SLC35F3: variants seen among roughly 807,000 people sequenced by gnomAD.
The protein encoded by SLC35F3 is putative thiamine transporter SLC35F3.
In SLC35F3, 25 loss-of-function variants were observed where a neutral mutation model predicts 49.9. That is an observed-to-expected ratio of 0.50 (90% CI 0.37 to 0.70). The LOEUF is 0.70. Ranked by LOEUF, SLC35F3 falls within the 30% of genes least tolerant of loss-of-function variation. The probability of loss-of-function intolerance (pLI) is 0.00; values close to 1 mark genes in which losing one functional copy is unlikely to be tolerated. For synonymous variants in SLC35F3, 275 were observed against 265.4 expected, an observed-to-expected ratio of 1.04 and a Z score of -0.35; for missense variants, 525 against 639.8, an observed-to-expected ratio of 0.82 and a Z score of 1.94.
chr1:234,083,605 C>T (rs903138844), intron 2 of SLC35F3, among the ~76,000 whole-genome samples: 3 of 152,166 alleles, frequency 2.0e-5, no homozygotes, highest in African/African-American at 4.8e-5. Context: ...GCTTATGAAG[C>T]GGGGCTGCTG....
intron 2 of SLC35F3, among the ~76,000 whole-genome samples, chr1:234,036,516 A>G (rs7514335): frequency 4.9e-4 from 74 of 152,348 alleles, no homozygotes; most frequent in African/African-American, 1.7e-3. Context: ...GAGGAGAGCT[A>G]TAGTATCAGC....
At chr1:234,014,280 T>C (rs1419025025) in intron 2 of SLC35F3, among the ~76,000 whole-genome samples, 1 of 152,026 alleles carries the variant, frequency 6.6e-6, no homozygotes. Context: ...ATTTGACAAA[T>C]TTAACATTTT....
chr1:234,127,368 G>A (rs1257037083), intron 2 of SLC35F3, among the ~76,000 whole-genome samples: 1 of 152,036 alleles, frequency 6.6e-6, no homozygotes, highest in Non-Finnish European at 1.5e-5. Context: ...TCATGTCATT[G>A]CACCTATTTT....
intron 2 of SLC35F3, among the ~76,000 whole-genome samples, chr1:234,168,386 C>T (rs72760011): frequency 6.6e-6 from 1 of 152,374 alleles, no homozygotes; most frequent in Non-Finnish European, 1.5e-5. Context: ...CAGTCATTTG[C>T]AGGCACTTCT....
chr1:234,137,192 A>G (rs1181327194), intron 2 of SLC35F3, among the ~76,000 whole-genome samples: 2 of 152,240 alleles, frequency 1.3e-5, no homozygotes, highest in Admixed American at 6.5e-5. Context: ...ATGCTTTTGA[A>G]TGAAGGTGTA....
intron 2 of SLC35F3, among the ~76,000 whole-genome samples, chr1:234,208,160 A>G (rs952946565): frequency 6.6e-6 from 1 of 152,230 alleles, no homozygotes; most frequent in Non-Finnish European, 1.5e-5. Flanking sequence ...GCTGGAGTTC[A>G]AACTCAAGAT....
intron 3 of SLC35F3, among the ~76,000 whole-genome samples, chr1:234,247,690 G>T (rs1475244617): frequency 1.3e-5 from 2 of 151,894 alleles, no homozygotes; most frequent in African/African-American, 4.8e-5. Flanking sequence ...TCGGTTGGCT[G>T]GTCCATTGTT....
intron 2 of SLC35F3, among the ~76,000 whole-genome samples, chr1:233,911,972 G>A (rs11810026): frequency 0.061 from 9,281 of 152,262 alleles, 375 homozygotes; most frequent in Middle Eastern, 0.1. Flanking sequence ...CTTTCCTTAA[G>A]CAGCTGGAAA....
chr1:234,268,210 C>T (rs1215403111), intron 3 of SLC35F3, among the ~76,000 whole-genome samples: 5 of 152,036 alleles, frequency 3.3e-5, no homozygotes, highest in East Asian at 3.9e-4. Flanking sequence ...CCCGGCACCT[C>T]GGGAGGCCGA....
intron 3 of SLC35F3, among the ~76,000 whole-genome samples, chr1:234,242,672 A>G (rs979856578): frequency 6.6e-6 from 1 of 152,208 alleles, no homozygotes; most frequent in Non-Finnish European, 1.5e-5. Flanking sequence ...TTCTTTGTTG[A>G]GCAGAGAGAA....
chr1:234,036,538 G>A (rs1380818305), intron 2 of SLC35F3, among the ~76,000 whole-genome samples: 3 of 152,202 alleles, frequency 2.0e-5, no homozygotes, highest in Admixed American at 2.0e-4. Flanking sequence ...TCTGGCAGGT[G>A]TCCATGTAAT....
chr1:234,146,448 T>C (rs1665996218), intron 2 of SLC35F3, among the ~76,000 whole-genome samples: 2 of 151,300 alleles, frequency 1.3e-5, no homozygotes, highest in Admixed American at 6.6e-5. Flanking sequence ...AGCCATTTTT[T>C]AATCTAAAAT....
chr1:234,122,059 T>A (rs745446455), intron 2 of SLC35F3, among the ~76,000 whole-genome samples: 1 of 152,244 alleles, frequency 6.6e-6, no homozygotes, highest in African/African-American at 2.4e-5. Flanking sequence ...GTAACAAGAT[T>A]TATAATCCTT....
chr1:234,045,018 C>A (rs944692209), intron 2 of SLC35F3, among the ~76,000 whole-genome samples: 1 of 152,082 alleles, frequency 6.6e-6, no homozygotes, highest in Non-Finnish European at 1.5e-5. Flanking sequence ...TCATGAGGAA[C>A]CTTGAGTAAG....
In SLC35F3 at chr1:233,904,979, C is replaced by A; in HGVS notation, c.-99C>A. 3.7e-6 allele frequency: 5 copies of A among 1,350,852 alleles called. No homozygotes were observed. Among genetic ancestry groups the A allele is most frequent in the Non-Finnish European group, 5.1e-6 (5 of 980,424 alleles). 83.7% of individuals were successfully genotyped at this position (1,350,852 alleles called of 1,614,324 possible). On this transcript the variant is annotated 5_prime_UTR_variant, in exon 1 of 8. Transcript: ENST00000366618. The stretch of plus-strand genomic sequence containing the variant: ...CGCGGCGCAGACCCTCGGTGGGCAG[C>A]GCACTCCAGTCTTCCCAGGCTAGCG...
At chr1:234,275,575 TTAGG>T (rs996831057) in intron 3 of SLC35F3, among the ~76,000 whole-genome samples, 65 of 134,648 alleles carry the variant, frequency 4.8e-4, no homozygotes, top group African/African-American at 1.7e-3. Context: ...AGGTAGGTAG[TTAGG>T]TAGGTAGATA....
At chr1:234,314,064 A>G (rs1657423512) in intron 4 of SLC35F3, among the ~76,000 whole-genome samples, 1 of 152,086 alleles carries the variant, frequency 6.6e-6, no homozygotes, top group Non-Finnish European at 1.5e-5. Flanking sequence ...ATGTCCAGAG[A>G]GTGGAAGGCC....
intron 2 of SLC35F3, among the ~76,000 whole-genome samples, chr1:234,041,976 C>T (rs560205856): frequency 6.6e-6 from 1 of 152,122 alleles, no homozygotes; most frequent in Non-Finnish European, 1.5e-5. Flanking sequence ...GTGCATGTCC[C>T]CCTTATGGCA....
chr1:234,307,886 A>G (rs1443166130), intron 3 of SLC35F3, among the ~76,000 whole-genome samples: 1 of 152,166 alleles, frequency 6.6e-6, no homozygotes, highest in Non-Finnish European at 1.5e-5. Context: ...CAGTCAAGGA[A>G]AGAGGCAGCT....
Sources: gnomAD v4.1 joint callset for allele counts (sites outside exome capture counted in the v4.1 genomes callset) on GRCh38, gnomAD v4.1.1 for gene constraint, MANE v1.5 for transcripts, NCBI Gene and HGNC (gene_info 2026-07-23, HGNC 2026-07-21) for gene names.